SLCO4C1: variants seen among roughly 807,000 people sequenced by gnomAD.
The protein encoded by SLCO4C1 is organic anion transporter M1.
SLCO4C1 carries 58 observed loss-of-function variants against 72.1 expected under a neutral mutation model. The ratio of observed to expected loss-of-function variants is 0.80; its 90% CI spans 0.65 to 1.00. The LOEUF (loss-of-function observed/expected upper bound fraction) is 1.00. Among genes scored for constraint, SLCO4C1 ranks in the 50% least tolerant of loss-of-function variants. SLCO4C1 has a pLI of 0.00. For synonymous variants in SLCO4C1, 297 were observed against 312.5 expected (o/e 0.95, Z 0.52); for missense variants, 898 against 857.9 (o/e 1.05, Z -0.58).
At chr5:102,254,203 C>A (rs1748792757) in intron 8 of SLCO4C1, among the ~76,000 whole-genome samples, 1 of 152,138 alleles carries the variant, frequency 6.6e-6, no homozygotes, top group South Asian at 2.1e-4. Context: ...TTAGTCTGTT[C>A]TTTCCATAGA....
chr5:102,270,587 T>C (rs764974832), intron 3 of SLCO4C1, 37 bp downstream of exon 3: 1 of 1,512,530 alleles, frequency 6.6e-7, no homozygotes, highest in East Asian at 2.3e-5. Flanking sequence ...AATAATAAGA[T>C]AAAGTGATAC....
chr5:102,262,846 A>C (rs1019286409), intron 4 of SLCO4C1, among the ~76,000 whole-genome samples: 1 of 152,208 alleles, frequency 6.6e-6, no homozygotes, highest in East Asian at 1.9e-4. Context: ...GCCTTTTTAT[A>C]GGCTGTGAAA....
chr5:102,263,616 C>T, intron 4 of SLCO4C1, 68 bp downstream of exon 4: 4 of 1,274,744 alleles, frequency 3.1e-6, no homozygotes, highest in Non-Finnish European at 4.5e-6. Flanking sequence ...TGAAAATGTT[C>T]TGTCTATGAT....
intron 8 of SLCO4C1, among the ~76,000 whole-genome samples, chr5:102,255,062 A>T (rs1748809468): frequency 6.6e-6 from 1 of 152,232 alleles, no homozygotes; most frequent in South Asian, 2.1e-4. Context: ...GTGACATTAA[A>T]TTCTGTTCCT....
rs1386705070 is a variant in SLCO4C1 at position 102,260,331 on chromosome 5, ATATAT to A, written c.1022-17_1022-13del. 5 of 18,274 alleles carry A rather than the reference ATATAT, an allele frequency of 2.7e-4. No homozygotes were observed. Among genetic ancestry groups the A allele is most frequent in the African/African-American group, 1.5e-3 (1 of 668 alleles). 1.1% of individuals were successfully genotyped at this position (18,274 alleles called of 1,614,324 possible). The stretch of plus-strand genomic sequence containing the variant: ...AATTTCTGCTGTACCTAAAAAAAAA[ATATAT>A]ATATATATATAATATATATATTATA... On this transcript the variant is annotated splice_polypyrimidine_tract_variant and intron_variant, in intron 5 of 12. Transcript: ENST00000310954.
In SLCO4C1 at chr5:102,263,774, C is replaced by A. The variant is rs1280750500; in HGVS notation, c.809G>T (p.Gly270Val). 4 of 1,611,450 alleles carry A rather than the reference C, an allele frequency of 2.5e-6. No individual in the cohort carries two copies. Among genetic ancestry groups the A allele is most frequent in the Non-Finnish European group, 3.4e-6 (4 of 1,178,378 alleles). ...AGGGCCTAAGATTGACATAGCATAA[C>A]CGGTTCCTAGAAGAAGAACAGAGAC... Reference protein sequence around the residue: ...THKSSLYIGTGYAMSILGPAI... With the variant: ...THKSSLYIGTVYAMSILGPAI... Residue 270 changes from glycine to valine, a missense_variant, in exon 4 of 13, where the codon GGT becomes GTT. Gly to Val is a moderately radical substitution (Grantham distance 109, BLOSUM62 -3). Transcript: ENST00000310954.
chr5:102,296,103 C>G lies in SLCO4C1; in HGVS notation c.160G>C (p.Glu54Gln). Residue 54 changes from glutamate to glutamine, a missense_variant, in exon 1 of 13, where the codon GAG (glutamate) becomes CAG (glutamine). By Grantham distance (29) the Glu-to-Gln change is conservative. Transcript: ENST00000310954. ...GATGGCTCTGGTGACTTCTGGGGCTCCTGGGGCTTCTGAAGCTCCTGTGGC... is the reference window on the plus strand; with the variant it reads ...GATGGCTCTGGTGACTTCTGGGGCTGCTGGGGCTTCTGAAGCTCCTGTGGC... Reference protein sequence around the residue: ...SQPQELQKPQEPQKSPEPSLP... With the variant: ...SQPQELQKPQQPQKSPEPSLP... The G allele has an allele frequency of 6.2e-7, 1 of 1,614,078 alleles. No homozygotes were observed. Among genetic ancestry groups the G allele is most frequent in the Non-Finnish European group, 8.5e-7 (1 of 1,179,944 alleles).
chr5:102,262,103 A>G, intron 4 of SLCO4C1, 70 bp from the exon 5 acceptor site: 5 of 1,325,644 alleles, frequency 3.8e-6, no homozygotes, highest in Non-Finnish European at 5.2e-6. Flanking sequence ...TAGGATAATC[A>G]TATACTTTAT....
chr5:102,292,002 G>A (rs1749565902), intron 1 of SLCO4C1, among the ~76,000 whole-genome samples: 1 of 151,660 alleles, frequency 6.6e-6, no homozygotes, highest in African/African-American at 2.4e-5. Flanking sequence ...TTTGTATCTT[G>A]TTAGTAGAGA....
At chr5:102,294,047 T>C (rs1580272187) in intron 1 of SLCO4C1, among the ~76,000 whole-genome samples, 1 of 152,234 alleles carries the variant, frequency 6.6e-6, no homozygotes, top group East Asian at 1.9e-4. Context: ...TAGCTGGGAT[T>C]GCAGGCATGC....
In SLCO4C1 at chr5:102,235,728, G is replaced by T. The variant is rs1487526137; in HGVS notation, c.*1130C>A. On this transcript the variant is annotated 3_prime_UTR_variant, in exon 13 of 13. Transcript: ENST00000310954. ...ACTCCATTGGGAACTGCACATGCAAGGGATCTAGGTTGCACTCTCCTTATG... is the reference window on the plus strand; with the variant it reads ...ACTCCATTGGGAACTGCACATGCAATGGATCTAGGTTGCACTCTCCTTATG... 2 of 152,210 alleles carry T rather than the reference G, an allele frequency of 1.3e-5. No homozygotes were observed. The highest frequency in any genetic ancestry group is 4.8e-5 in the African/African-American group (2 of 41,458). The allele number at this position is 152,210 out of a possible 1,614,324, so 9.4% of individuals were successfully genotyped here. A position where few individuals can be genotyped will look rare whatever the true frequency, so the allele number is the denominator to read the frequency against.
chr5:102,289,760 T>C (rs753031786), intron 2 of SLCO4C1, among the ~76,000 whole-genome samples: 1 of 152,222 alleles, frequency 6.6e-6, no homozygotes, highest in Non-Finnish European at 1.5e-5. Flanking sequence ...CTCTCTCTGC[T>C]GATAACTTAT....
Position 102,296,226 on chromosome 5 carries a change from C to A in SLCO4C1, c.37G>T (p.Val13Phe). 1 of 1,571,616 alleles carries A rather than the reference C, an allele frequency of 6.4e-7. No individual in the cohort carries two copies. The highest frequency in any genetic ancestry group is 1.2e-5 in the South Asian group (1 of 84,882). ...CGCAGGATGTCTGGGCTGGAGGGGA[C>A]AAAAGCCAAGTTCTCAATACCTTTG... Reference protein sequence around the residue: ...SAKGIENLAFVPSSPDILRRL... With the variant: ...SAKGIENLAFFPSSPDILRRL... Residue 13 changes from valine to phenylalanine, a missense_variant, in exon 1 of 13, where the codon GTC becomes TTC. Physicochemically the swap from Val to Phe is conservative, Grantham distance 50 (BLOSUM62 -1). Coordinates refer to ENST00000310954, the MANE Select transcript of SLCO4C1 (RefSeq NM_180991.5).
rs1467763877 is a variant in SLCO4C1, at chr5:102,239,232, T to C, written c.2014+19A>G. 3 of 1,536,158 alleles carry C rather than the reference T, an allele frequency of 2.0e-6. No individual in the cohort carries two copies. The highest frequency in any genetic ancestry group is 2.6e-6 in the Non-Finnish European group (3 of 1,148,258). On this transcript the variant is annotated intron_variant, in intron 12 of 12. Coordinates refer to ENST00000310954, the MANE Select transcript of SLCO4C1 (RefSeq NM_180991.5). ...ACATCCTTAGTTTACTCTAAAATTA[T>C]CAAGAAGTCACCACTTACTTATGGC...
rs1748987744 is a variant in SLCO4C1, at chr5:102,263,896, A to G, written c.803-116T>C. 3 of 710,594 alleles carry G rather than the reference A, an allele frequency of 4.2e-6. No individual in the cohort carries two copies. The African/African-American group carries it at 5.5e-5, about 13-fold the overall frequency. 44.0% of individuals were successfully genotyped at this position (710,594 alleles called of 1,614,324 possible). A position where few individuals can be genotyped will look rare whatever the true frequency, so the allele number is the denominator to read the frequency against. On this transcript the variant is annotated intron_variant, in intron 3 of 12. Transcript: ENST00000310954. The stretch of plus-strand genomic sequence containing the variant: ...AATCTAAACAATTAAACATATCAAA[A>G]TCACACATATTTTCACTAAAACAAT...
chr5:102,264,357 ACT>A (rs944666102), intron 3 of SLCO4C1, among the ~76,000 whole-genome samples: 1 of 151,964 alleles, frequency 6.6e-6, no homozygotes, highest in Admixed American at 6.6e-5. Flanking sequence ...GCCATATATA[ACT>A]CTGAATTTTC....
At chr5:102,293,445 A>C (rs1228977910) in intron 1 of SLCO4C1, among the ~76,000 whole-genome samples, 1 of 152,196 alleles carries the variant, frequency 6.6e-6, no homozygotes, top group Non-Finnish European at 1.5e-5. Flanking sequence ...AAAAAAACAA[A>C]AACAAAAAAA....
intron 10 of SLCO4C1, among the ~76,000 whole-genome samples, chr5:102,242,279 C>T (rs542124295): frequency 2.6e-4 from 39 of 152,310 alleles, no homozygotes; most frequent in Admixed American, 1.4e-3. Context: ...ATAGGGACTG[C>T]AACTCTTGGG....
chr5:102,259,639 G>A lies in SLCO4C1; in HGVS notation c.1128+574C>T, dbSNP rs72777941. The stretch of plus-strand genomic sequence containing the variant: ...TAAATAGAAAGAATACTTTTCTGCT[G>A]AGTACAACTTAATGGACCATAACAC... On this transcript the variant is annotated intron_variant, in intron 6 of 12. Transcript: ENST00000310954. Among the ~76,000 whole-genome samples the A allele has an allele frequency of 4.3e-3, 657 of 152,194 alleles. 2 individuals carry two copies. Among genetic ancestry groups the A allele is most frequent in the Middle Eastern group, 0.017 (5 of 294 alleles).
Sources: gnomAD v4.1 joint callset for allele counts (sites outside exome capture counted in the v4.1 genomes callset) on GRCh38, gnomAD v4.1.1 for gene constraint, MANE v1.5 for transcripts, NCBI Gene and HGNC (gene_info 2026-07-23, HGNC 2026-07-21) for gene names.